The following L3HYPDH variants were observed in gnomAD, a reference collection of about 807,000 sequenced individuals.
L3HYPDH encodes the protein trans-3-hydroxy-L-proline dehydratase.
L3HYPDH carries 32 observed loss-of-function variants against 26.5 expected under a neutral mutation model. That is an observed-to-expected ratio of 1.21 (90% confidence interval 0.91 to 1.62). The LOEUF is 1.62. Ranked by LOEUF, L3HYPDH falls within the 40% of genes most tolerant of loss-of-function variation. The probability of loss-of-function intolerance (pLI) is 0.00; values close to 1 mark genes in which losing one functional copy is unlikely to be tolerated. For synonymous variants in L3HYPDH, 215 were observed against 196.6 expected (o/e 1.09, Z -0.78); for missense variants, 554 against 476.4 (o/e 1.16, Z -1.52).
At chr14:59,499,015 C>A in the L3HYPDH span, 1 of 123,048 alleles carries the variant, frequency 8.1e-6, no homozygotes, top group Non-Finnish European at 1.4e-5. Context: ...TTGTTTAATC[C>A]TTTTTTTTTT....
At chr14:59,486,779 CA>C, upstream of L3HYPDH, 1 of 1,587,456 alleles carries the variant, frequency 6.3e-7, no homozygotes, top group Admixed American at 1.7e-5. Flanking sequence ...AAAAATGGCT[CA>C]ACTGAAATAT....
At chr14:59,484,593 GGTGAGTGGTC>G, upstream of L3HYPDH, 1 of 1,579,140 alleles carries the variant, frequency 6.3e-7, no homozygotes, top group Middle Eastern at 1.7e-4. Context: ...GCGGCCCATG[GGTGAGTGGTC>G]GCCAAGATCC....
chr14:59,482,065 G>A (rs544971872), intron 1 of L3HYPDH, among the ~76,000 whole-genome samples: 1 of 152,298 alleles, frequency 6.6e-6, no homozygotes, highest in African/African-American at 2.4e-5. Context: ...TTCATTGACT[G>A]ACTACTCTTC....
intron 1 of L3HYPDH, 95 bp downstream of exon 1, chr14:59,483,714 T>A (rs1341243543): frequency 1.3e-6 from 2 of 1,516,378 alleles, no homozygotes; most frequent in East Asian, 4.9e-5. Flanking sequence ...CGGAGTAGGT[T>A]AGTTGCCAGA....
chr14:59,492,079 G>A, the L3HYPDH span, among the ~76,000 whole-genome samples: 2 of 152,124 alleles, frequency 1.3e-5, no homozygotes, highest in Non-Finnish European at 2.9e-5. Context: ...ATATATTTAT[G>A]CTCTGAGAGG....
chr14:59,499,426 T>C, the L3HYPDH span, among the ~76,000 whole-genome samples: 1 of 152,372 alleles, frequency 6.6e-6, no homozygotes, highest in African/African-American at 2.4e-5. Flanking sequence ...CTTAGGTTTC[T>C]AAGTGTATTT....
At chr14:59,484,970 T>G, upstream of L3HYPDH, 1 of 1,548,550 alleles carries the variant, frequency 6.5e-7, no homozygotes, top group Non-Finnish European at 8.6e-7. Flanking sequence ...ATTTGTCTAC[T>G]GCTTCAACCT....
chr14:59,498,607 A>T, the L3HYPDH span: 1 of 587,468 alleles, frequency 1.7e-6, no homozygotes, highest in Non-Finnish European at 2.9e-6. Context: ...CTGAATATCC[A>T]ATGGATAGAG....
chr14:59,496,215 C>T, the L3HYPDH span, among the ~76,000 whole-genome samples: 25 of 151,906 alleles, frequency 1.6e-4, no homozygotes, highest in African/African-American at 6.0e-4. Context: ...CTCTCCCTGC[C>T]AGTTCTTAGG....
chr14:59,502,750 A>AATTTTTTTTTTT, the L3HYPDH span, among the ~76,000 whole-genome samples: 3 of 4,906 alleles, frequency 6.1e-4, no homozygotes, highest in African/African-American at 1.0e-3. Context: ...ATAAAATGAG[A>AATTTTTTTTTTT]TTTTTTTTTT....
chr14:59,483,705 G>A (rs1249359336), intron 1 of L3HYPDH, 104 bp downstream of exon 1: 8 of 1,497,860 alleles, frequency 5.3e-6, no homozygotes, highest in Non-Finnish European at 7.1e-6. Context: ...AAGGTTTCGC[G>A]GAGTAGGTTA....
chr14:59,480,009 T>G (rs1280377465), intron 1 of L3HYPDH, among the ~76,000 whole-genome samples: 1 of 152,190 alleles, frequency 6.6e-6, no homozygotes, highest in Non-Finnish European at 1.5e-5. Context: ...TTTGAAATCT[T>G]GAATCTGTAT....
downstream of L3HYPDH, among the ~76,000 whole-genome samples, chr14:59,468,875 G>A (rs1205978844): frequency 6.6e-6 from 1 of 152,212 alleles, no homozygotes; most frequent in African/African-American, 2.4e-5. Flanking sequence ...AGTGAAGAAG[G>A]AGAGGTCATG....
chr14:59,498,738 T>C, the L3HYPDH span: 9 of 1,520,594 alleles, frequency 5.9e-6, no homozygotes, highest in Non-Finnish European at 8.1e-6. Flanking sequence ...TATACCATTG[T>C]ATTTATCTAT....
chr14:59,469,810 A>C (rs1219857011), downstream of L3HYPDH, among the ~76,000 whole-genome samples: 1 of 152,170 alleles, frequency 6.6e-6, no homozygotes, highest in Admixed American at 6.5e-5. Flanking sequence ...TAAGTACTGA[A>C]TCTACAGTAT....
At chr14:59,480,312 C>G (rs1889928475) in intron 1 of L3HYPDH, among the ~76,000 whole-genome samples, 1 of 152,078 alleles carries the variant, frequency 6.6e-6, no homozygotes, top group Admixed American at 6.6e-5. Context: ...TTAACTTCCC[C>G]CAGGGCACCA....
At chr14:59,478,884 T>G (rs1469625018) in intron 2 of L3HYPDH, 1 of 241,930 alleles carries the variant, frequency 4.1e-6, no homozygotes, top group African/African-American at 2.3e-5. Flanking sequence ...ACACATAAGA[T>G]ACACTAACAC....
upstream of L3HYPDH, chr14:59,484,597 A>C (rs1196944412): frequency 6.3e-7 from 1 of 1,579,002 alleles, no homozygotes. Context: ...CCCATGGGTG[A>C]GTGGTCGCCA....
At chr14:59,478,238 A>G in intron 2 of L3HYPDH, among the ~76,000 whole-genome samples, 2 of 152,196 alleles carry the variant, frequency 1.3e-5, no homozygotes, top group East Asian at 3.8e-4. Flanking sequence ...CATTTAAGGA[A>G]CTATAAACTA....
Sources: allele counts gnomAD v4.1 joint callset (sites outside exome capture counted in the v4.1 genomes callset), GRCh38; gene constraint gnomAD v4.1.1; transcripts MANE v1.5; gene names NCBI Gene and HGNC (gene_info 2026-07-23, HGNC 2026-07-21).